The following RAD51B variants were observed in gnomAD, a reference collection of about 807,000 sequenced individuals.
The protein encoded by RAD51B is DNA repair protein RAD51 homolog 2.
RAD51B carries 38 observed loss-of-function variants against 42.2 expected under a neutral mutation model. The observed-to-expected ratio is 0.90, with a 90% confidence interval of 0.70 to 1.18. The LOEUF (loss-of-function observed/expected upper bound fraction) is 1.18. RAD51B is among the 50% of genes most tolerant of loss of function. RAD51B has a pLI of 0.00. For missense variants in RAD51B, 373 were observed against 400.7 expected (o/e 0.93, Z 0.59); for synonymous variants, 154 against 145.2 (o/e 1.06, Z -0.43).
chr14:68,064,387 G>C (rs1254719714), intron 7 of RAD51B, among the ~76,000 whole-genome samples: 1 of 151,966 alleles, frequency 6.6e-6, no homozygotes, highest in African/African-American at 2.4e-5. Context: ...TTCTTTCTTT[G>C]TCTTTGACTT....
chr14:68,041,171 T>C (rs557699738), intron 7 of RAD51B, among the ~76,000 whole-genome samples: 24 of 152,324 alleles, frequency 1.6e-4, no homozygotes, highest in African/African-American at 5.5e-4. Flanking sequence ...TCTCCTGTTC[T>C]GCCATGTGAA....
At chr14:68,393,452 G>A (rs192918716) in intron 8 of RAD51B, among the ~76,000 whole-genome samples, 1 of 152,214 alleles carries the variant, frequency 6.6e-6, no homozygotes, top group African/African-American at 2.4e-5. Flanking sequence ...TAAAGCCTTG[G>A]GCATCTTCTA....
intron 9 of RAD51B, among the ~76,000 whole-genome samples, chr14:68,415,095 A>G (rs2084523471): frequency 6.6e-6 from 1 of 150,498 alleles, no homozygotes; most frequent in Non-Finnish European, 1.5e-5. Context: ...CTTAAGGCTC[A>G]TCACAGGAGC....
At chr14:68,308,959 G>C (rs760384302) in intron 8 of RAD51B, among the ~76,000 whole-genome samples, 5 of 152,154 alleles carry the variant, frequency 3.3e-5, no homozygotes, top group Non-Finnish European at 5.9e-5. Context: ...GAGAGAGAAG[G>C]CTCTTACAAA....
At position 68,001,340 on chromosome 14, in the gene RAD51B, A is replaced by G. The variant is rs575166083; in HGVS notation, c.756+114136A>G. Among the ~76,000 whole-genome samples, 15 of 151,836 alleles carry G rather than the reference A, an allele frequency of 9.9e-5. No individual in the cohort carries two copies. In the South Asian group the frequency reaches 2.9e-3, roughly 29 times the overall value. ...TTTTTCTTATTCCTGATTTCCGGAG[A>G]CTCCAATATATCATTTTTCATTTTA... On this transcript the variant is annotated intron_variant, in intron 7 of 10. Coordinates refer to ENST00000471583, the MANE Select transcript of RAD51B (RefSeq NM_133510.4).
intron 10 of RAD51B, among the ~76,000 whole-genome samples, chr14:68,531,680 A>T (rs930685801): frequency 6.6e-6 from 1 of 152,178 alleles, no homozygotes. Context: ...AGATATAACC[A>T]CAAACTGATA....
At chr14:68,026,542 G>T (rs1009539559) in intron 7 of RAD51B, among the ~76,000 whole-genome samples, 1 of 151,630 alleles carries the variant, frequency 6.6e-6, no homozygotes, top group East Asian at 1.9e-4. Context: ...TGTTGGGTGG[G>T]TATATATTTA....
At chr14:68,083,338 G>A (rs2076940493) in intron 7 of RAD51B, among the ~76,000 whole-genome samples, 1 of 152,164 alleles carries the variant, frequency 6.6e-6, no homozygotes, top group Admixed American at 6.5e-5. Context: ...GTAGTAACTG[G>A]ATGCAATAAT....
intron 7 of RAD51B, among the ~76,000 whole-genome samples, chr14:68,264,402 T>C (rs993486512): frequency 6.6e-6 from 1 of 152,262 alleles, no homozygotes; most frequent in Non-Finnish European, 1.5e-5. Flanking sequence ...TTTATAGGCT[T>C]GGTGATAGAA....
intron 7 of RAD51B, among the ~76,000 whole-genome samples, chr14:68,047,537 A>G (rs981562018): frequency 6.6e-6 from 1 of 152,202 alleles, no homozygotes; most frequent in Non-Finnish European, 1.5e-5. Context: ...GTTTCTTTCT[A>G]ATCTTTTCTG....
At position 68,565,368 on chromosome 14, in the gene RAD51B, A is replaced by G. The variant is rs1205763761; in HGVS notation, c.1037-29117A>G. ...GGTGACTTAGAGGTGTTTGTTCAAT[A>G]ATGCGAGGAGACTCATTACAACCCT... On this transcript the variant is annotated intron_variant, in intron 10 of 10. Coordinates refer to the RAD51B transcript ENST00000487270. This position sits in a 1 kb window ranked among gnomAD's most constrained non-coding sequence, Gnocchi z 4.1. Among the ~76,000 whole-genome samples, 2 of 152,152 alleles carry G rather than the reference A, an allele frequency of 1.3e-5. No homozygotes were observed. Among genetic ancestry groups the G allele is most frequent in the African/African-American group, 4.8e-5 (2 of 41,414 alleles).
At chr14:68,611,244 G>T in exon 11 of RAD51B, 2 of 702,980 alleles carry the variant, frequency 2.8e-6, no homozygotes, top group Non-Finnish European at 5.2e-6. Context: ...AGCATCCAGT[G>T]TAACCCAGCC....
chr14:68,334,588 C>A (rs1303648121), intron 8 of RAD51B, among the ~76,000 whole-genome samples: 1 of 151,992 alleles, frequency 6.6e-6, no homozygotes, highest in East Asian at 1.9e-4. Context: ...GCAGTTCAAA[C>A]CTGTGTTGTT....
At chr14:68,297,160 A>C (rs1242685794) in intron 8 of RAD51B, among the ~76,000 whole-genome samples, 1 of 152,246 alleles carries the variant, frequency 6.6e-6, no homozygotes, top group African/African-American at 2.4e-5. Context: ...CAAGCAAGAC[A>C]GCTCAGAATG....
chr14:67,965,702 C>T (rs1222101991), intron 7 of RAD51B, among the ~76,000 whole-genome samples: 2 of 152,094 alleles, frequency 1.3e-5, no homozygotes, highest in Non-Finnish European at 2.9e-5. Context: ...CACAAGCTTC[C>T]TCATAATTCC....
chr14:68,023,046 G>A (rs1467864715), intron 7 of RAD51B, among the ~76,000 whole-genome samples: 28 of 152,052 alleles, frequency 1.8e-4, no homozygotes, highest in Admixed American at 1.8e-3. Context: ...TTTATCCAGT[G>A]CATTGTTGAT....
At position 68,136,473 on chromosome 14, in the gene RAD51B, G is replaced by A. The variant is rs1432302838; in HGVS notation, c.757-155411G>A. On this transcript the variant is annotated intron_variant, in intron 7 of 10. Coordinates refer to ENST00000471583, the MANE Select transcript of RAD51B (RefSeq NM_133510.4). ...CATGCCTGGAGTCCCAGCTACTTGG[G>A]AGGCTGAGGCAGGAGAATCGCTTGA... is the stretch of plus-strand genomic sequence containing the variant. Among the ~76,000 whole-genome samples, 3 of 60,736 alleles carry A rather than the reference G, an allele frequency of 4.9e-5. 1 individual carries two copies. Among genetic ancestry groups the A allele is most frequent in the Non-Finnish European group, 1.5e-4 (3 of 20,662 alleles). The allele number at this position is 60,736 out of a possible 152,430, so 39.8% of individuals were successfully genotyped here.
At chr14:68,343,350 T>C (rs1304032383) in intron 8 of RAD51B, among the ~76,000 whole-genome samples, 1 of 152,042 alleles carries the variant, frequency 6.6e-6, no homozygotes, top group African/African-American at 2.4e-5. Context: ...TATTTTGATA[T>C]AATCCCATTT....
At chr14:68,145,841 C>T (rs939119428) in intron 7 of RAD51B, among the ~76,000 whole-genome samples, 1 of 152,198 alleles carries the variant, frequency 6.6e-6, no homozygotes, top group Non-Finnish European at 1.5e-5. Context: ...TTGGGTTTGG[C>T]CCCTGCTTTT....
Sources: gnomAD v4.1 joint callset for allele counts (sites outside exome capture counted in the v4.1 genomes callset) on GRCh38, gnomAD v4.1.1 for gene constraint, Gnocchi (gnomAD v3.1) non-coding constraint, MANE v1.5 for transcripts, NCBI Gene and HGNC (gene_info 2026-07-23, HGNC 2026-07-21) for gene names.